Variants in SLK observed in about 807,000 individuals in gnomAD.
SLK encodes STE20-like serine/threonine-protein kinase.
In SLK, 67 loss-of-function variants were observed where a neutral mutation model predicts 147.7. The observed-to-expected ratio is 0.45, with a 90% CI of 0.37 to 0.56. The LOEUF is 0.56. SLK is among the 20% of genes least tolerant of loss of function. The probability of loss-of-function intolerance (pLI) is 0.00; values close to 1 mark genes in which losing one functional copy is unlikely to be tolerated. For synonymous variants in SLK, 441 were observed against 475.0 expected (o/e 0.93, Z 0.93); for missense variants, 1,136 against 1,438.8 (o/e 0.79, Z 3.41).
chr10:104,012,392 T>A (rs923124567), intron 13 of SLK, among the ~76,000 whole-genome samples: 1 of 152,226 alleles, frequency 6.6e-6, no homozygotes, highest in South Asian at 2.1e-4. Context: ...TTTCTTGCTA[T>A]GAGCCATTGA....
Position 104,025,855 on chromosome 10 carries a change from T to TTTTTG in SLK, c.*150_*154dup, listed in dbSNP as rs1844591825. The TTTTTG allele has an allele frequency of 6.4e-6, 5 of 784,336 alleles. No homozygotes were observed. Among genetic ancestry groups the TTTTTG allele is most frequent in the African/African-American group, 1.8e-5 (1 of 56,904 alleles). The allele number at this position is 784,336 out of a possible 1,614,324, so 48.6% of individuals were successfully genotyped here. On this transcript the variant is annotated 3_prime_UTR_variant, in exon 19 of 19. Transcript: ENST00000369755. ...TTCTAGGTGTTTTCCTTTTTTGTTTTTTTTGTTTTGTTTTGTTTTTAAGCA... is the reference window on the plus strand; with the variant it reads ...TTCTAGGTGTTTTCCTTTTTTGTTTTTTTTGTTTTGTTTTGTTTTGTTTTTAAGCA...
intron 13 of SLK, among the ~76,000 whole-genome samples, chr10:104,014,585 A>G (rs1844438383): frequency 6.6e-6 from 1 of 152,150 alleles, no homozygotes; most frequent in African/African-American, 2.4e-5. Context: ...GGAGAGGGAG[A>G]AATTATGAAT....
intron 1 of SLK, among the ~76,000 whole-genome samples, chr10:103,988,791 G>T (rs1008670051): frequency 7.5e-5 from 11 of 146,366 alleles, no homozygotes; most frequent in African/African-American, 2.0e-4. Flanking sequence ...TTTATATGTG[G>T]TTTTTTTTTT....
At chr10:103,979,813 T>C (rs2134452074) in intron 1 of SLK, among the ~76,000 whole-genome samples, 1 of 152,212 alleles carries the variant, frequency 6.6e-6, no homozygotes, top group East Asian at 1.9e-4. Flanking sequence ...GTGGTTTATC[T>C]TTTCACTCTC....
intron 12 of SLK, among the ~76,000 whole-genome samples, 163 bp downstream of exon 12, chr10:104,008,519 G>T (rs957999630): frequency 6.6e-6 from 1 of 152,066 alleles, no homozygotes; most frequent in Non-Finnish European, 1.5e-5. Context: ...TTGTCATAAG[G>T]TCAATCATTA....
Position 104,002,370 on chromosome 10 carries a change from A to G in SLK, c.1192A>G (p.Asn398Asp). 6.2e-7 allele frequency: 1 copy of G among 1,613,692 alleles called. No homozygotes were observed. Among genetic ancestry groups the G allele is most frequent in the Non-Finnish European group, 8.5e-7 (1 of 1,179,800 alleles). The change falls in exon 9 of 19, where the codon AAT (asparagine) becomes GAT (aspartate). Residue 398 changes from asparagine to aspartate, a missense_variant. Around this residue, in one of 6 missense-constraint regions of SLK, gnomAD observed 516 missense variants for 531.3 expected, o/e 0.97. Coordinates refer to ENST00000369755, the MANE Select transcript of SLK (RefSeq NM_014720.4). Reference sequence around the variant, plus strand: ...ACCTGAAAAGGCTGTGGAGGATATTAATGAACATATTACCGATGCTCAGTT... The same window carrying G: ...ACCTGAAAAGGCTGTGGAGGATATTGATGAACATATTACCGATGCTCAGTT... ...DEPEKAVEDINEHITDAQLEA... is the reference protein window; with the variant it reads ...DEPEKAVEDIDEHITDAQLEA...
intron 1 of SLK, among the ~76,000 whole-genome samples, chr10:103,986,428 T>TA (rs1289471934): frequency 6.6e-6 from 1 of 152,194 alleles, no homozygotes; most frequent in Non-Finnish European, 1.5e-5. Flanking sequence ...CAGTTCACGA[T>TA]AGAGTTCATG....
At chr10:103,973,847 C>T (rs1388827123) in intron 1 of SLK, among the ~76,000 whole-genome samples, 1 of 152,140 alleles carries the variant, frequency 6.6e-6, no homozygotes, top group Non-Finnish European at 1.5e-5. Flanking sequence ...TATAAGGTCA[C>T]AACTTAATAT....
chr10:104,012,618 C>T (rs1844413997), intron 13 of SLK, among the ~76,000 whole-genome samples: 1 of 152,204 alleles, frequency 6.6e-6, no homozygotes, highest in Non-Finnish European at 1.5e-5. Flanking sequence ...AGGTCACACA[C>T]CTGGGTAGTG....
In SLK at chr10:103,983,716, G is replaced by T. The variant is rs1404791762; in HGVS notation, c.151-6959G>T. On this transcript the variant is annotated intron_variant, in intron 1 of 18. Transcript: ENST00000369755. ...TCAGCAGTTTCTTTCTGTAGCAGCTGTTGAATACAGTTTGTAGTTTTTCCA... is the reference window on the plus strand; with the variant it reads ...TCAGCAGTTTCTTTCTGTAGCAGCTTTTGAATACAGTTTGTAGTTTTTCCA... 2.0e-5 allele frequency among the ~76,000 whole-genome samples: 3 copies of T among 150,140 alleles called. No individual in the cohort carries two copies. In the East Asian group the frequency reaches 5.8e-4, roughly 29 times the overall value.
intron 1 of SLK, 27 bp from the exon 2 acceptor site, chr10:103,990,648 T>C (rs760643677): frequency 1.4e-6 from 2 of 1,437,460 alleles, no homozygotes; most frequent in Non-Finnish European, 1.9e-6. Flanking sequence ...ATTTGAAATG[T>C]GACACTTCTG....
chr10:104,001,479 C>G lies in SLK; in HGVS notation c.900C>G (p.Ile300Met). The G allele has an allele frequency of 6.2e-7, 1 of 1,613,924 alleles. No homozygotes were observed. The highest frequency in any genetic ancestry group is 8.5e-7 in the Non-Finnish European group (1 of 1,179,948). ...PFVTVDSNKPIRELIAEAKAE... is the reference protein window; with the variant it reads ...PFVTVDSNKPMRELIAEAKAE... Reference sequence around the variant, plus strand: ...TTACTGTTGATTCCAACAAACCCATCCGAGAATTGATTGCAGAGGCGAAGG... The same window carrying G: ...TTACTGTTGATTCCAACAAACCCATGCGAGAATTGATTGCAGAGGCGAAGG... Residue 300 changes from isoleucine to methionine, a missense_variant, in exon 8 of 19, where the codon ATC becomes ATG. Physicochemically the swap from Ile to Met is conservative, Grantham distance 10. Around this residue, in one of 6 missense-constraint regions of SLK, gnomAD observed 141 missense variants for 219.3 expected, o/e 0.64. Coordinates refer to ENST00000369755, the MANE Select transcript of SLK (RefSeq NM_014720.4).
At chr10:103,996,747 C>T (rs1046414943) in intron 4 of SLK, among the ~76,000 whole-genome samples, 5 of 152,050 alleles carry the variant, frequency 3.3e-5, no homozygotes, top group African/African-American at 4.8e-5. Flanking sequence ...TCCCCGCCCC[C>T]GACAGGAAAG....
At chr10:103,986,963 A>G (rs889332654) in intron 1 of SLK, among the ~76,000 whole-genome samples, 3 of 152,202 alleles carry the variant, frequency 2.0e-5, no homozygotes, top group African/African-American at 7.2e-5. Context: ...GGCATGAGCC[A>G]CCACGCCTGG....
intron 4 of SLK, among the ~76,000 whole-genome samples, chr10:103,998,459 AT>A (rs1844203740): frequency 6.6e-6 from 1 of 152,156 alleles, no homozygotes; most frequent in Non-Finnish European, 1.5e-5. Flanking sequence ...TGACAATATA[AT>A]TTTATGAGGA....
chr10:103,977,667 G>T (rs1046828150), intron 1 of SLK, among the ~76,000 whole-genome samples: 1 of 152,098 alleles, frequency 6.6e-6, no homozygotes. Flanking sequence ...TTTCATATAA[G>T]TTCTGCATTT....
chr10:104,013,755 T>A (rs1326802364), intron 13 of SLK, among the ~76,000 whole-genome samples: 1 of 152,206 alleles, frequency 6.6e-6, no homozygotes, highest in Admixed American at 6.5e-5. Context: ...TACCTGCCTT[T>A]TCACATGTGC....
chr10:104,024,429 C>A (rs536730516), intron 18 of SLK, among the ~76,000 whole-genome samples: 4 of 152,290 alleles, frequency 2.6e-5, no homozygotes, highest in East Asian at 3.9e-4. Flanking sequence ...TAGTGCCACA[C>A]CTGAGTCACA....
intron 1 of SLK, among the ~76,000 whole-genome samples, chr10:103,969,951 C>T (rs548999383): frequency 4.0e-4 from 61 of 152,290 alleles, no homozygotes; most frequent in African/African-American, 1.2e-3. Flanking sequence ...GGGCAGTTTT[C>T]ATGGTGTAAA....
Sources: allele counts gnomAD v4.1 joint callset (sites outside exome capture counted in the v4.1 genomes callset), GRCh38; gene constraint gnomAD v4.1.1; regional missense constraint gnomAD v4.1.1; transcripts MANE v1.5; gene names NCBI Gene and HGNC (gene_info 2026-07-23, HGNC 2026-07-21).